The following HFM1 variants were observed in gnomAD, a reference collection of about 807,000 sequenced individuals.
HFM1 encodes the protein helicase for meiosis 1, also known as probable ATP-dependent DNA helicase HFM1.
In HFM1, 169 loss-of-function variants were observed where a neutral mutation model predicts 192.1. That is an observed-to-expected ratio of 0.88 (90% CI 0.78 to 1.00). The LOEUF is 1.00. Among genes scored for constraint, HFM1 ranks in the 50% least tolerant of loss-of-function variants. The probability of loss-of-function intolerance (pLI) is 0.00; values close to 1 mark genes in which losing one functional copy is unlikely to be tolerated. For missense variants in HFM1, 1,661 were observed against 1,668.0 expected (o/e 1.00, Z 0.07); for synonymous variants, 525 against 537.8 (o/e 0.98, Z 0.33).
intron 4 of HFM1, among the ~76,000 whole-genome samples, chr1:91,391,913 A>G (rs282012): frequency 1 from 152,040 of 152,228 alleles, 75,926 homozygotes; most frequent in Non-Finnish European, 1. Flanking sequence ...AAAATCAAAC[A>G]ACCCCATTAA....
intron 20 of HFM1, among the ~76,000 whole-genome samples, chr1:91,341,575 A>G (rs899120764): frequency 1.2e-4 from 18 of 152,210 alleles, no homozygotes; most frequent in African/African-American, 4.1e-4. Context: ...AGGAATAGAA[A>G]TAACCAAAAT....
Position 91,352,660 on chromosome 1 carries a change from G to C in HFM1, c.1832-9C>G. The C allele has an allele frequency of 6.4e-7, 1 of 1,569,830 alleles. No homozygotes were observed. Among genetic ancestry groups the C allele is most frequent in the East Asian group, 2.3e-5 (1 of 43,718 alleles). ...TAAAGTACTGGTAGTAACTGCATCA[G>C]ATTAAGACATAGTAATTTTGAGCCA... On this transcript the variant is annotated splice_polypyrimidine_tract_variant and intron_variant, in intron 15 of 38. Coordinates refer to ENST00000370425, the MANE Select transcript of HFM1 (RefSeq NM_001017975.6).
intron 8 of HFM1, 94 bp from the exon 9 acceptor site, chr1:91,379,308 C>T: frequency 1.2e-6 from 1 of 855,340 alleles, no homozygotes; most frequent in South Asian, 1.5e-5. Flanking sequence ...AAAAAATACA[C>T]ATCTACATAC....
At chr1:91,378,819 A>G (rs1661218196) in intron 9 of HFM1, among the ~76,000 whole-genome samples, 1 of 152,106 alleles carries the variant, frequency 6.6e-6, no homozygotes, top group East Asian at 1.9e-4. Context: ...ATATGATTAC[A>G]AAGTATCCAC....
intron 2 of HFM1, among the ~76,000 whole-genome samples, chr1:91,397,293 T>C (rs960604518): frequency 1.3e-5 from 2 of 152,244 alleles, no homozygotes; most frequent in Non-Finnish European, 2.9e-5. Flanking sequence ...TTTGCCACCC[T>C]GTTGGCATCA....
chr1:91,365,903 T>C (rs1659236373), intron 13 of HFM1, among the ~76,000 whole-genome samples: 1 of 149,718 alleles, frequency 6.7e-6, no homozygotes, highest in South Asian at 2.1e-4. Context: ...TGTCCAATAG[T>C]ACACAGCTAG....
chr1:91,403,045 T>C (rs1383735596), intron 1 of HFM1, among the ~76,000 whole-genome samples: 3 of 51,052 alleles, frequency 5.9e-5, no homozygotes, highest in African/African-American at 1.6e-4. Context: ...TTAGTTCTTA[T>C]ATACTCCTGT....
chr1:91,295,529 A>G (rs1360166352), intron 30 of HFM1, among the ~76,000 whole-genome samples: 1 of 152,156 alleles, frequency 6.6e-6, no homozygotes, highest in Admixed American at 6.5e-5. Context: ...ACACTAAGGA[A>G]CCCTATTTTA....
intron 34 of HFM1, among the ~76,000 whole-genome samples, chr1:91,271,747 C>G (rs541907926): frequency 2.5e-4 from 38 of 152,200 alleles, no homozygotes; most frequent in African/African-American, 8.7e-4. Flanking sequence ...GGGCAAAAAG[C>G]TGAAAGAGTT....
At chr1:91,281,529 C>T (rs114551683) in intron 30 of HFM1, among the ~76,000 whole-genome samples, 72 of 152,186 alleles carry the variant, frequency 4.7e-4, no homozygotes, top group Middle Eastern at 3.4e-3. Flanking sequence ...GAATCTACTA[C>T]AAATGGATTC....
chr1:91,341,332 C>T (rs938881757), intron 20 of HFM1, among the ~76,000 whole-genome samples: 1 of 152,188 alleles, frequency 6.6e-6, no homozygotes, highest in Non-Finnish European at 1.5e-5. Flanking sequence ...TTCTGAAAGA[C>T]TTTTCTGAAA....
chr1:91,287,151 A>G (rs951640894), intron 30 of HFM1, among the ~76,000 whole-genome samples: 10 of 152,224 alleles, frequency 6.6e-5, no homozygotes, highest in Admixed American at 1.3e-4. Context: ...AACTGGGTGG[A>G]GCCCACCACA....
At chr1:91,404,339 G>C (rs572133943) in intron 1 of HFM1, among the ~76,000 whole-genome samples, 29 of 152,314 alleles carry the variant, frequency 1.9e-4, no homozygotes, top group Non-Finnish European at 3.4e-4. Context: ...CACAAGAACG[G>C]GGCGCTGGGG....
At chr1:91,302,059 C>T (rs1329347424) in intron 30 of HFM1, among the ~76,000 whole-genome samples, 24 of 141,026 alleles carry the variant, frequency 1.7e-4, no homozygotes, top group Non-Finnish European at 4.6e-5. Flanking sequence ...CCAGAATCTA[C>T]AATGAACTCA....
chr1:91,305,894 T>C (rs1649533369), intron 30 of HFM1, among the ~76,000 whole-genome samples: 1 of 152,190 alleles, frequency 6.6e-6, no homozygotes, highest in Non-Finnish European at 1.5e-5. Flanking sequence ...AAAGTATTAT[T>C]ATATTACTAA....
At chr1:91,264,480 C>T (rs1449283387) in intron 36 of HFM1, among the ~76,000 whole-genome samples, 3 of 139,070 alleles carry the variant, frequency 2.2e-5, no homozygotes, top group Admixed American at 1.6e-4. Context: ...TCACGCCATT[C>T]TCCTGCCTCA....
chr1:91,274,410 T>A (rs886307915), intron 33 of HFM1, among the ~76,000 whole-genome samples: 1 of 152,078 alleles, frequency 6.6e-6, no homozygotes, highest in East Asian at 1.9e-4. Flanking sequence ...TACACCAACA[T>A]GATTTCCATT....
Position 91,385,654 on chromosome 1 carries a change from A to G in HFM1, c.675T>C (p.Ala225=), listed in dbSNP as rs938052958. The G allele has an allele frequency of 1.2e-6, 2 of 1,612,032 alleles. No individual in the cohort carries two copies. Among genetic ancestry groups the G allele is most frequent in the Non-Finnish European group, 1.7e-6 (2 of 1,178,296 alleles). The change falls in exon 5 of 39, where the codon GCT becomes GCC. Residue 225 remains alanine (A), a synonymous_variant. Coordinates refer to ENST00000370425, the MANE Select transcript of HFM1 (RefSeq NM_001017975.6). ...CTTCTCCGATTTCAGAAGCAGAAAA[A>G]GCATTATTTGCTGTAAACACATTTG... ...YSANVFTANN[A]FSASEIGEGM...
chr1:91,364,624 A>ATT (rs1439970664), intron 13 of HFM1, among the ~76,000 whole-genome samples: 146 of 37,924 alleles, frequency 3.8e-3, no homozygotes, highest in African/African-American at 0.011. Flanking sequence ...ATATATATAT[A>ATT]TATATATATT....
Sources: allele counts gnomAD v4.1 joint callset (sites outside exome capture counted in the v4.1 genomes callset), GRCh38; gene constraint gnomAD v4.1.1; transcripts MANE v1.5; gene names NCBI Gene and HGNC (gene_info 2026-07-23, HGNC 2026-07-21).